CD58: variants seen among roughly 807,000 people sequenced by gnomAD.
The protein encoded by CD58 is lymphocyte function-associated antigen 3.
A neutral mutation model predicts 27.6 loss-of-function variants in CD58; 14 were observed. That is an observed-to-expected ratio of 0.51 (90% CI 0.34 to 0.79). The LOEUF (loss-of-function observed/expected upper bound fraction) is 0.79, where lower values mean the gene tolerates loss of function less well. Among genes scored for constraint, CD58 ranks in the 30% least tolerant of loss-of-function variants. CD58 has a pLI of 0.02. For synonymous variants in CD58, 117 were observed against 103.8 expected, an observed-to-expected ratio of 1.13 and a Z score of -0.77; for missense variants, 268 against 301.7, an observed-to-expected ratio of 0.89 and a Z score of 0.83.
chr1:116,543,658 C>T (rs1658064034), intron 2 of CD58, among the ~76,000 whole-genome samples: 2 of 152,096 alleles, frequency 1.3e-5, no homozygotes, highest in South Asian at 2.1e-4. Flanking sequence ...TGTGGTGGCT[C>T]ATGAGTGTAA....
chr1:116,544,292 C>A lies in CD58; in HGVS notation c.364+19G>T, dbSNP rs1254560258. ...TGGAAATTTGCCATTTTAAACAAATCAACTTATGGAATACTCACCAAGCAC... is the reference window on the plus strand; with the variant it reads ...TGGAAATTTGCCATTTTAAACAAATAAACTTATGGAATACTCACCAAGCAC... On this transcript the variant is annotated intron_variant, in intron 2 of 5. Coordinates refer to ENST00000369489, the MANE Select transcript of CD58 (RefSeq NM_001779.3). 6.4e-7 allele frequency: 1 copy of A among 1,555,458 alleles called. No individual in the cohort carries two copies. Among genetic ancestry groups the A allele is most frequent in the South Asian group, 1.2e-5 (1 of 83,182 alleles).
In CD58 at chr1:116,535,977, T is replaced by C. The variant is rs1339807228; in HGVS notation, c.616A>G (p.Ile206Val). ...TTSSIILTTCIPSSGHSRHRY... is the reference protein window; with the variant it reads ...TTSSIILTTCVPSSGHSRHRY... ...GTTATTTACTCACCGCTGCTTGGGA[T>C]ACAGGTTGTCAAAATGATTGATGAT... Residue 206 changes from isoleucine (I) to valine (V), a missense_variant, in exon 3 of 6, where the codon ATC becomes GTC. By Grantham distance (29) the Ile-to-Val change is conservative (BLOSUM62 3). Transcript: ENST00000369489. 8.7e-6 allele frequency: 14 copies of C among 1,608,816 alleles called. No individual in the cohort carries two copies. The highest frequency in any genetic ancestry group is 1.2e-5 in the Non-Finnish European group (14 of 1,178,088).
rs919728666 is a variant in CD58 at position 116,522,096 on chromosome 1, C to A, written c.629-113G>T. 5.0e-6 allele frequency: 3 copies of A among 605,376 alleles called. No homozygotes were observed. Among genetic ancestry groups the A allele is most frequent in the Non-Finnish European group, 9.0e-6 (3 of 334,598 alleles). The allele number at this position is 605,376 out of a possible 1,614,324, so 37.5% of individuals were successfully genotyped here. ...TTATTTACTGAAATTTATTTGTAAT[C>A]CACAAATCAATACCCAAAGCAGTCA... On this transcript the variant is annotated intron_variant, in intron 3 of 5. Transcript: ENST00000369489. This position sits in a 1 kb window ranked among gnomAD's most constrained non-coding sequence, Gnocchi z 4.6.
chr1:116,546,039 A>G lies in CD58; in HGVS notation c.71-1435T>C, dbSNP rs955145167. Among the ~76,000 whole-genome samples the G allele has an allele frequency of 3.3e-5, 5 of 152,272 alleles. No individual in the cohort carries two copies. The highest frequency in any genetic ancestry group is 1.2e-4 in the African/African-American group (5 of 41,570). On this transcript the variant is annotated intron_variant, in intron 1 of 5. Coordinates refer to ENST00000369489, the MANE Select transcript of CD58 (RefSeq NM_001779.3). The surrounding 1 kb of genome is among the most constrained non-coding windows in gnomAD (Gnocchi z 4.1). ...GAAAAGTACAAAAAATTAGCTGGGC[A>G]TGGCACACACCTGTGGTCCCCAGCT...
At position 116,528,114 on chromosome 1, in the gene CD58, C is replaced by T. The variant is rs1342842711; in HGVS notation, c.629-6131G>A. Among the ~76,000 whole-genome samples, 2 of 152,162 alleles carry T rather than the reference C, an allele frequency of 1.3e-5. No individual in the cohort carries two copies. The highest frequency in any genetic ancestry group is 2.4e-5 in the African/African-American group (1 of 41,452). ...TGAACATTCTTAATCACTATTCTTC[C>T]CAGTGGAAAGTCATAAAAGTCACAA... On this transcript the variant is annotated intron_variant, in intron 3 of 5. Transcript: ENST00000369489. The surrounding 1 kb of genome is among the most constrained non-coding windows in gnomAD (Gnocchi z 4.4).
chr1:116,551,611 T>C (rs1426789249), intron 1 of CD58, among the ~76,000 whole-genome samples: 2 of 152,242 alleles, frequency 1.3e-5, no homozygotes, highest in African/African-American at 4.8e-5. Flanking sequence ...TTCTTATTTA[T>C]GTGTTCACTG....
At chr1:116,562,590 C>T (rs1281296796) in intron 1 of CD58, among the ~76,000 whole-genome samples, 3 of 152,212 alleles carry the variant, frequency 2.0e-5, no homozygotes, top group South Asian at 2.1e-4. Context: ...AATGGACTCA[C>T]AGTTCCACAT....
At position 116,553,788 on chromosome 1, in the gene CD58, T is replaced by C. The variant is rs545145983; in HGVS notation, c.71-9184A>G. Reference sequence around the variant, plus strand: ...ATGGAGGCCATTAGGACCATCACCTTGGGAGAGCGTATGAAGTGGGAAAAG... The same window carrying C: ...ATGGAGGCCATTAGGACCATCACCTCGGGAGAGCGTATGAAGTGGGAAAAG... On this transcript the variant is annotated intron_variant, in intron 1 of 5. Coordinates refer to ENST00000369489, the MANE Select transcript of CD58 (RefSeq NM_001779.3). 3.9e-5 allele frequency among the ~76,000 whole-genome samples: 6 copies of C among 152,250 alleles called. No individual in the cohort carries two copies. The South Asian group carries it at 1.0e-3, about 26-fold the overall frequency.
In CD58 at chr1:116,550,358, T is replaced by C. The variant is rs1658350211; in HGVS notation, c.71-5754A>G. Among the ~76,000 whole-genome samples the C allele has an allele frequency of 6.6e-6, 1 of 152,248 alleles. No individual in the cohort carries two copies. The highest frequency in any genetic ancestry group is 1.5e-5 in the Non-Finnish European group (1 of 68,040). On this transcript the variant is annotated intron_variant, in intron 1 of 5. Transcript: ENST00000369489. This position sits in a 1 kb window ranked among gnomAD's most constrained non-coding sequence, Gnocchi z 4.2. Reference sequence around the variant, plus strand: ...AAATTTATGTAATACTCTTAACCCTTTGTTGTCATTTAAACAATGTTCACA... The same window carrying C: ...AAATTTATGTAATACTCTTAACCCTCTGTTGTCATTTAAACAATGTTCACA...
chr1:116,564,917 A>G (rs1276239119), intron 1 of CD58, among the ~76,000 whole-genome samples: 1 of 152,134 alleles, frequency 6.6e-6, no homozygotes, highest in Non-Finnish European at 1.5e-5. Flanking sequence ...CTCTCAGCCA[A>G]GTTCATACTT....
chr1:116,547,688 C>A (rs1658237215), intron 1 of CD58, among the ~76,000 whole-genome samples: 1 of 152,014 alleles, frequency 6.6e-6, no homozygotes, highest in East Asian at 1.9e-4. Flanking sequence ...TTTTCTTTAT[C>A]CACTCATTGA....
In CD58 at chr1:116,534,619, C is replaced by T. The variant is rs1053273196; in HGVS notation, c.628+1346G>A. Among the ~76,000 whole-genome samples the T allele has an allele frequency of 1.3e-5, 2 of 152,250 alleles. No homozygotes were observed. The highest frequency in any genetic ancestry group is 3.9e-4 in the East Asian group (2 of 5,172). Reference sequence around the variant, plus strand: ...GGGCGCACCGGGTGCTGGGAGGGGCCGCTCCAGGCCCCAAGCCCCAGGCCC... The same window carrying T: ...GGGCGCACCGGGTGCTGGGAGGGGCTGCTCCAGGCCCCAAGCCCCAGGCCC... On this transcript the variant is annotated intron_variant, in intron 3 of 5. Transcript: ENST00000369489. The surrounding 1 kb of genome is among the most constrained non-coding windows in gnomAD (Gnocchi z 5.3).
chr1:116,521,886 G>C lies in CD58; in HGVS notation c.706+20C>G. 7.7e-7 allele frequency: 1 copy of C among 1,296,216 alleles called. No individual in the cohort carries two copies. Among genetic ancestry groups the C allele is most frequent in the Non-Finnish European group, 1.1e-6 (1 of 898,850 alleles). The allele number at this position is 1,296,216 out of a possible 1,614,324, so 80.3% of individuals were successfully genotyped here. A position where few individuals can be genotyped will look rare whatever the true frequency, so the allele number is the denominator to read the frequency against. ...ACAATGCAAGTTTTCAAACTATTTT[G>C]TTTTAAAAAGCATACATACCATTCA... On this transcript the variant is annotated intron_variant, in intron 4 of 5. Transcript: ENST00000369489. This position sits in a 1 kb window ranked among gnomAD's most constrained non-coding sequence, Gnocchi z 5.6.
chr1:116,549,525 A>G (rs368372692), intron 1 of CD58, among the ~76,000 whole-genome samples: 3 of 152,244 alleles, frequency 2.0e-5, no homozygotes, highest in East Asian at 3.8e-4. Flanking sequence ...ATTGAAGTAA[A>G]GAAAGCCATA....
Position 116,534,864 on chromosome 1 carries a change from C to G in CD58, c.628+1101G>C, listed in dbSNP as rs1657739641. ...ATATTTCTTGTATTTGCTAATTTCC[C>G]TTATCTGTTTCAGCTGCTTGTTCAG... On this transcript the variant is annotated intron_variant, in intron 3 of 5. Transcript: ENST00000369489. The surrounding 1 kb of genome is among the most constrained non-coding windows in gnomAD (Gnocchi z 5.3). 6.6e-6 allele frequency among the ~76,000 whole-genome samples: 1 copy of G among 152,152 alleles called. No homozygotes were observed.
chr1:116,547,626 G>C (rs185652386), intron 1 of CD58, among the ~76,000 whole-genome samples: 1 of 151,984 alleles, frequency 6.6e-6, no homozygotes, highest in South Asian at 2.1e-4. Context: ...ACCGCGCCTG[G>C]CCTATTATGT....
chr1:116,558,189 C>T (rs1271155090), intron 1 of CD58, among the ~76,000 whole-genome samples: 1 of 151,058 alleles, frequency 6.6e-6, no homozygotes, highest in East Asian at 1.9e-4. Flanking sequence ...AAGAAAAATT[C>T]CCTTAAAAGT....
Position 116,538,577 on chromosome 1 carries a change from A to G in CD58, c.365-2349T>C, listed in dbSNP as rs180998743. Among the ~76,000 whole-genome samples the G allele has an allele frequency of 8.5e-5, 13 of 152,266 alleles. No homozygotes were observed. The East Asian group carries it at 2.5e-3, about 29-fold the overall frequency. ...CCAAGGGTGCTTGTTAAAAATACAG[A>G]TTCCTGAGCCCCACCATCCCAGGTG... On this transcript the variant is annotated intron_variant, in intron 2 of 5. Transcript: ENST00000369489. This position sits in a 1 kb window ranked among gnomAD's most constrained non-coding sequence, Gnocchi z 4.7.
chr1:116,534,509 C>A lies in CD58; in HGVS notation c.628+1456G>T, dbSNP rs1657725127. ...AGCCCCCACTCGCCGCCCTCTACGC[C>A]TCCTCCGCTGGGCCGCCGGCGAGGA... On this transcript the variant is annotated intron_variant, in intron 3 of 5. Coordinates refer to ENST00000369489, the MANE Select transcript of CD58 (RefSeq NM_001779.3). The surrounding 1 kb of genome is among the most constrained non-coding windows in gnomAD (Gnocchi z 5.3). 6.6e-6 allele frequency among the ~76,000 whole-genome samples: 1 copy of A among 152,206 alleles called. No homozygotes were observed. Among genetic ancestry groups the A allele is most frequent in the Admixed American group, 6.5e-5 (1 of 15,284 alleles).
Sources: gnomAD v4.1 joint callset for allele counts (sites outside exome capture counted in the v4.1 genomes callset) on GRCh38, gnomAD v4.1.1 for gene constraint, Gnocchi (gnomAD v3.1) non-coding constraint, MANE v1.5 for transcripts, NCBI Gene and HGNC (gene_info 2026-07-23, HGNC 2026-07-21) for gene names.